PRDM2: variants seen among roughly 807,000 people sequenced by gnomAD.
PRDM2 encodes PR domain zinc finger protein 2.
In PRDM2, 30 loss-of-function variants were observed where a neutral mutation model predicts 130.0. The ratio of observed to expected loss-of-function variants is 0.23; its 90% CI spans 0.17 to 0.31. The LOEUF (loss-of-function observed/expected upper bound fraction) is 0.31, where lower values mean the gene tolerates loss of function less well. PRDM2 is among the 10% of genes least tolerant of loss of function. The pLI is 1.00. For missense variants in PRDM2, 2,011 were observed against 2,108.4 expected (o/e 0.95, Z 0.90); for synonymous variants, 871 against 782.4 (o/e 1.11, Z -1.89).
intron 6 of PRDM2, among the ~76,000 whole-genome samples, chr1:13,769,867 G>A (rs1644318142): frequency 6.6e-6 from 1 of 152,136 alleles, no homozygotes; most frequent in African/African-American, 2.4e-5. Flanking sequence ...TTCTTAACCT[G>A]GGGAAATCTT....
intron 3 of PRDM2, 102 bp from the exon 4 acceptor site, chr1:13,732,677 A>C: frequency 1.3e-6 from 1 of 751,828 alleles, no homozygotes; most frequent in Non-Finnish European, 2.1e-6. Flanking sequence ...TGATTTAGGC[A>C]GTCTAGCCTT....
chr1:13,786,557 T>C (rs755951845), intron 8 of PRDM2: 2 of 1,607,444 alleles, frequency 1.2e-6, no homozygotes, highest in Non-Finnish European at 8.5e-7. Flanking sequence ...CAAACCTTAA[T>C]TGACTAAAAA....
chr1:13,808,475 A>C (rs79440942), intron 8 of PRDM2, among the ~76,000 whole-genome samples: 2 of 151,898 alleles, frequency 1.3e-5, no homozygotes, highest in Admixed American at 6.6e-5. Flanking sequence ...AAAAAAAAAA[A>C]AAAAAAAACA....
intron 9 of PRDM2, 121 bp downstream of exon 9, chr1:13,816,691 G>T: frequency 3.7e-6 from 5 of 1,337,402 alleles, no homozygotes; most frequent in East Asian, 2.5e-5. Flanking sequence ...GTGTGTACCA[G>T]GCACGGTGCA....
At chr1:13,759,517 C>A (rs1307633951) in intron 6 of PRDM2, among the ~76,000 whole-genome samples, 1 of 152,134 alleles carries the variant, frequency 6.6e-6, no homozygotes, top group Non-Finnish European at 1.5e-5. Context: ...TTGGGATTAT[C>A]AGAGCCTGCT....
At chr1:13,716,313 G>A (rs1023971311) in intron 2 of PRDM2, among the ~76,000 whole-genome samples, 1 of 140,268 alleles carries the variant, frequency 7.1e-6, no homozygotes, top group African/African-American at 2.6e-5. Flanking sequence ...GGTGGAGGGA[G>A]GGGGGAGGGA....
chr1:13,711,987 T>C (rs1334344686), intron 1 of PRDM2, among the ~76,000 whole-genome samples: 1 of 151,822 alleles, frequency 6.6e-6, no homozygotes, highest in Non-Finnish European at 1.5e-5. Context: ...CTGAATTTTA[T>C]TCTAACCTTT....
rs754779127 is a variant in PRDM2 at position 13,816,530 on chromosome 1, C to A, written c.5140C>A (p.Pro1714Thr). Residue 1714 changes from proline (P) to threonine (T), a missense_variant, in exon 9 of 10, where the codon CCA becomes ACA. By Grantham distance (38) the Pro-to-Thr change is conservative. This residue lies in a region of PRDM2 where 410 missense variants were observed against 395.9 expected (regional missense o/e 1.04). Coordinates refer to ENST00000311066, the MANE Select transcript of PRDM2 (RefSeq NM_001393986.1). ...KAPAAAQFQGPFFKE is the reference protein window; with the variant it reads ...KAPAAAQFQGTFFKE ...TCCAGCTGCAGCCCAGTTCCAGGGA[C>A]CATTCTTCAAAGAGTAGACACTCTG... is the stretch of plus-strand genomic sequence containing the variant. 1 of 1,614,142 alleles carries A rather than the reference C, an allele frequency of 6.2e-7. No individual in the cohort carries two copies. The highest frequency in any genetic ancestry group is 1.1e-5 in the South Asian group (1 of 91,080).
intron 2 of PRDM2, among the ~76,000 whole-genome samples, chr1:13,730,468 A>G (rs930041736): frequency 3.9e-5 from 6 of 152,172 alleles, no homozygotes; most frequent in African/African-American, 7.2e-5. Context: ...AGGGACCACA[A>G]TAAGTTGTCG....
At chr1:13,808,106 T>G (rs1398155039) in intron 8 of PRDM2, among the ~76,000 whole-genome samples, 1 of 152,174 alleles carries the variant, frequency 6.6e-6, no homozygotes, top group African/African-American at 2.4e-5. Context: ...CACAGCAGGT[T>G]CCTCCCAACC....
intron 2 of PRDM2, among the ~76,000 whole-genome samples, chr1:13,727,667 A>G (rs746351587): frequency 6.6e-6 from 1 of 152,076 alleles, no homozygotes; most frequent in Non-Finnish European, 1.5e-5. Context: ...TTTTGTCTCT[A>G]TTTCTTACCA....
intron 1 of PRDM2, among the ~76,000 whole-genome samples, chr1:13,708,564 CTGCTCTA>C (rs1320120148): frequency 2.6e-5 from 4 of 152,182 alleles, no homozygotes; most frequent in African/African-American, 4.8e-5. Context: ...TTAGGTTTCT[CTGCTCTA>C]TGCATTCGGG....
intron 7 of PRDM2, among the ~76,000 whole-genome samples, chr1:13,776,269 G>A (rs1175478383): frequency 6.6e-6 from 1 of 152,154 alleles, no homozygotes; most frequent in Non-Finnish European, 1.5e-5. Context: ...GTCAGTATTT[G>A]CAAGTGATTG....
intron 4 of PRDM2, 86 bp from the exon 5 acceptor site, chr1:13,741,919 A>C: frequency 8.9e-7 from 1 of 1,123,524 alleles, no homozygotes. Flanking sequence ...ATAATGAAAA[A>C]GAATTATCCT....
In PRDM2 at chr1:13,715,558, A is replaced by C; in HGVS notation, c.-48A>C. 1 of 1,518,934 alleles carries C rather than the reference A, an allele frequency of 6.6e-7. No homozygotes were observed. The highest frequency in any genetic ancestry group is 8.8e-7 in the Non-Finnish European group (1 of 1,132,174). 94.1% of individuals were successfully genotyped at this position (1,518,934 alleles called of 1,614,324 possible). ...CTTTTTAGGGTTCATGTAATCAAAG[A>C]AGTTTCTTTGTTGTGTGTATCTTTA... On this transcript the variant is annotated 5_prime_UTR_variant, in exon 2 of 10. Coordinates refer to ENST00000311066, the MANE Select transcript of PRDM2 (RefSeq NM_001393986.1).
intron 6 of PRDM2, among the ~76,000 whole-genome samples, chr1:13,761,405 A>G (rs1434499583): frequency 6.6e-6 from 1 of 152,188 alleles, no homozygotes; most frequent in Non-Finnish European, 1.5e-5. Flanking sequence ...CAGTTTTCTT[A>G]GAAGGTGCTA....
At chr1:13,716,348 C>G (rs1328928676) in intron 2 of PRDM2, among the ~76,000 whole-genome samples, 1 of 150,978 alleles carries the variant, frequency 6.6e-6, no homozygotes, top group Non-Finnish European at 1.5e-5. Context: ...ATACCTAATG[C>G]TAGATGACGA....
rs567655926 is a variant in PRDM2 at position 13,719,534 on chromosome 1, C to T, written c.9+3920C>T. Among the ~76,000 whole-genome samples, 8 of 152,312 alleles carry T rather than the reference C, an allele frequency of 5.3e-5. 1 individual carries two copies. The South Asian group carries it at 1.2e-3, about 24-fold the overall frequency. On this transcript the variant is annotated intron_variant, in intron 2 of 9. Coordinates refer to ENST00000311066, the MANE Select transcript of PRDM2 (RefSeq NM_001393986.1). Reference sequence around the variant, plus strand: ...TAAGGGAGCAAGAGTGTGGTGATAACGTGTGTTCACTACTGAGATTAACAC... The same window carrying T: ...TAAGGGAGCAAGAGTGTGGTGATAATGTGTGTTCACTACTGAGATTAACAC...
chr1:13,741,511 T>A (rs1037536847), intron 4 of PRDM2, among the ~76,000 whole-genome samples: 2 of 152,204 alleles, frequency 1.3e-5, no homozygotes, highest in African/African-American at 4.8e-5. Context: ...GAAAGGGACC[T>A]GCTGAATTGT....
Sources: gnomAD v4.1 joint callset for allele counts (sites outside exome capture counted in the v4.1 genomes callset) on GRCh38, gnomAD v4.1.1 for gene constraint, gnomAD v4.1.1 regional missense constraint, MANE v1.5 for transcripts, NCBI Gene and HGNC (gene_info 2026-07-23, HGNC 2026-07-21) for gene names.